Variants in RBPJ observed in about 807,000 individuals in gnomAD.
RBPJ encodes the protein recombination signal binding protein for immunoglobulin kappa J region, also known as recombining binding protein suppressor of hairless.
A neutral mutation model predicts 67.8 loss-of-function variants in RBPJ; 9 were observed. The ratio of observed to expected loss-of-function variants is 0.13; its 90% CI spans 0.08 to 0.23. RBPJ has a LOEUF of 0.23. Ranked by LOEUF, RBPJ falls within the 10% of genes least tolerant of loss-of-function variation. The pLI is 1.00. For missense variants in RBPJ, 305 were observed against 595.6 expected (o/e 0.51, Z 5.08); for synonymous variants, 198 against 203.3 (o/e 0.97, Z 0.22).
intron 1 of RBPJ, among the ~76,000 whole-genome samples, chr4:26,333,311 A>C (rs1338695892): frequency 6.6e-6 from 1 of 152,210 alleles, no homozygotes; most frequent in Non-Finnish European, 1.5e-5. Context: ...TAGTTTTGCA[A>C]ACATAATATT....
intron 1 of RBPJ, among the ~76,000 whole-genome samples, chr4:26,294,775 G>A (rs1053336961): frequency 4.0e-5 from 6 of 151,840 alleles, no homozygotes; most frequent in Admixed American, 1.3e-4. Context: ...CCAGCTACTC[G>A]GGAGGCTGAG....
In RBPJ at chr4:26,262,896, C is replaced by T. The variant is rs113382067; in HGVS notation, c.-167+99282C>T. 2.8e-3 allele frequency among the ~76,000 whole-genome samples: 419 copies of T among 152,308 alleles called. 3 individuals are homozygous for T. The highest frequency in any genetic ancestry group is 9.7e-3 in the African/African-American group (404 of 41,562). On this transcript the variant is annotated intron_variant, in intron 1 of 4. Transcript: ENST00000512351. ...CCAGCCCTATAATCAATCCATCAGG[C>T]TTCCCAGAGCAGAATCCTGAATGTT...
At chr4:26,294,220 C>T (rs888205464) in intron 1 of RBPJ, among the ~76,000 whole-genome samples, 3 of 152,108 alleles carry the variant, frequency 2.0e-5, no homozygotes, top group Admixed American at 6.6e-5. Context: ...GCCTCAGCCT[C>T]CCGAGTAGCT....
At chr4:26,133,300 G>A in the RBPJ span, among the ~76,000 whole-genome samples, 3 of 152,216 alleles carry the variant, frequency 2.0e-5, no homozygotes, top group Admixed American at 2.0e-4. Context: ...TCAAGGCCAA[G>A]TGCAATGGTT....
chr4:26,237,367 T>C (rs1198518196), intron 1 of RBPJ, among the ~76,000 whole-genome samples: 2 of 152,138 alleles, frequency 1.3e-5, no homozygotes, highest in Non-Finnish European at 2.9e-5. Context: ...AAAATCATTA[T>C]GGTCGAATAA....
chr4:26,240,235 T>C (rs1719592594), intron 1 of RBPJ, among the ~76,000 whole-genome samples: 1 of 152,272 alleles, frequency 6.6e-6, no homozygotes, highest in African/African-American at 2.4e-5. Flanking sequence ...AATGCAAATT[T>C]AACTGGATGT....
intron 1 of RBPJ, among the ~76,000 whole-genome samples, chr4:26,338,577 C>CT (rs34060445): frequency 0.46 from 63,090 of 137,532 alleles, 15,144 homozygotes; most frequent in Non-Finnish European, 0.54. Context: ...TAGGCTCTAA[C>CT]TTTTTTTTTT....
At chr4:26,267,115 G>A (rs1056394439) in intron 1 of RBPJ, among the ~76,000 whole-genome samples, 2 of 152,168 alleles carry the variant, frequency 1.3e-5, no homozygotes, top group African/African-American at 4.8e-5. Flanking sequence ...GCCCAGTATT[G>A]ACTTCGCCTC....
intron 2 of RBPJ, among the ~76,000 whole-genome samples, chr4:26,387,473 G>C (rs1236318500): frequency 6.6e-6 from 1 of 152,108 alleles, no homozygotes; most frequent in Non-Finnish European, 1.5e-5. Context: ...CCTTACAGAT[G>C]CATGTCGCCT....
Position 26,307,509 on chromosome 4 carries a change from TACTC to T in RBPJ, c.-166-54935_-166-54932del, listed in dbSNP as rs139998025. Among the ~76,000 whole-genome samples, 1,073 of 152,356 alleles carry T rather than the reference TACTC, an allele frequency of 7.0e-3. 11 individuals are homozygous for T. Among genetic ancestry groups the T allele is most frequent in the African/African-American group, 0.024 (1,008 of 41,582 alleles). On this transcript the variant is annotated intron_variant, in intron 1 of 4. Transcript: ENST00000512351. ...ATAGCTATGCTATTTAAAAATAAAA[TACTC>T]AGTGTTTGCTGGTGAAGGAAAATAT...
the RBPJ span, among the ~76,000 whole-genome samples, chr4:26,146,989 G>C: frequency 6.6e-6 from 1 of 152,206 alleles, no homozygotes; most frequent in Non-Finnish European, 1.5e-5. Context: ...CAACGGCTCC[G>C]TCAAAGTAGG....
intron 1 of RBPJ, among the ~76,000 whole-genome samples, chr4:26,337,781 G>A (rs958985837): frequency 6.8e-6 from 1 of 147,714 alleles, no homozygotes; most frequent in African/African-American, 2.5e-5. Context: ...CAACTTCATC[G>A]GCTCAGGCAA....
intron 3 of RBPJ, 99 bp from the exon 4 acceptor site, chr4:26,415,376 A>G (rs997660636): frequency 6.6e-6 from 7 of 1,060,012 alleles, no homozygotes; most frequent in East Asian, 2.6e-5. Context: ...GTGCATTTCA[A>G]TATGATTTTG....
At chr4:26,169,368 G>A (rs10222782) in intron 1 of RBPJ, among the ~76,000 whole-genome samples, 80,109 of 140,860 alleles carry the variant, frequency 0.57, 18,325 homozygotes, top group Middle Eastern at 0.72. Context: ...TATCAGCAGC[G>A]GTGTCTGCAG....
chr4:26,162,401 A>G (rs775333970), upstream of RBPJ, among the ~76,000 whole-genome samples: 9 of 152,264 alleles, frequency 5.9e-5, no homozygotes, highest in Non-Finnish European at 1.2e-4. Flanking sequence ...ACTTAAGAGA[A>G]GCTAGAAAGG....
At chr4:26,331,764 G>T (rs1724290899) in intron 1 of RBPJ, among the ~76,000 whole-genome samples, 1 of 152,144 alleles carries the variant, frequency 6.6e-6, no homozygotes, top group South Asian at 2.1e-4. Flanking sequence ...GTTACCTCTG[G>T]CTTACTCCAG....
At chr4:26,225,453 G>C (rs1294276534) in intron 1 of RBPJ, among the ~76,000 whole-genome samples, 1 of 152,224 alleles carries the variant, frequency 6.6e-6, no homozygotes, top group Non-Finnish European at 1.5e-5. Context: ...CGGGGAAAGG[G>C]AGACGGATGA....
intron 1 of RBPJ, among the ~76,000 whole-genome samples, chr4:26,286,329 T>A (rs981903501): frequency 4.0e-5 from 6 of 151,828 alleles, no homozygotes; most frequent in Non-Finnish European, 7.4e-5. Context: ...AATAAAAAAT[T>A]AGCCAGATGC....
the RBPJ span, among the ~76,000 whole-genome samples, chr4:26,157,111 AC>A: frequency 7.4e-5 from 11 of 149,230 alleles, no homozygotes; most frequent in African/African-American, 1.7e-4. Flanking sequence ...AAACAAACAA[AC>A]AAACAAAAAA....
Sources: gnomAD v4.1 joint callset for allele counts (sites outside exome capture counted in the v4.1 genomes callset) on GRCh38, gnomAD v4.1.1 for gene constraint, MANE v1.5 for transcripts, NCBI Gene and HGNC (gene_info 2026-07-23, HGNC 2026-07-21) for gene names.